Variants in THRB observed in about 807,000 individuals in gnomAD.
THRB encodes the protein nuclear receptor subfamily 1 group A member 2.
THRB carries 12 observed loss-of-function variants against 47.8 expected under a neutral mutation model. The observed-to-expected ratio is 0.25, with a 90% CI of 0.16 to 0.41. THRB has a LOEUF of 0.41. THRB is among the 10% of genes least tolerant of loss of function. The pLI is 1.00. For synonymous variants in THRB, 218 were observed against 212.2 expected, an observed-to-expected ratio of 1.03 and a Z score of -0.24; for missense variants, 348 against 589.2, an observed-to-expected ratio of 0.59 and a Z score of 4.24.
At chr3:24,192,535 T>C (rs1182692120) in intron 4 of THRB, among the ~76,000 whole-genome samples, 6 of 152,192 alleles carry the variant, frequency 3.9e-5, no homozygotes, top group African/African-American at 1.4e-4. Flanking sequence ...TTAATTCCCT[T>C]GACCCCACAG....
intron 5 of THRB, among the ~76,000 whole-genome samples, chr3:24,158,787 T>G (rs56350826): frequency 0.028 from 4,220 of 152,164 alleles, 94 homozygotes; most frequent in Non-Finnish European, 0.039. Context: ...TATGTAAGCA[T>G]TATGTGTCTT....
At chr3:24,195,953 C>T (rs1286918483) in intron 4 of THRB, among the ~76,000 whole-genome samples, 1 of 152,174 alleles carries the variant, frequency 6.6e-6, no homozygotes, top group East Asian at 1.9e-4. Flanking sequence ...TTTTGTCTGT[C>T]CTCACTGGAA....
At chr3:24,191,171 C>A (rs1432925912) in intron 4 of THRB, among the ~76,000 whole-genome samples, 1 of 150,442 alleles carries the variant, frequency 6.6e-6, no homozygotes, top group Non-Finnish European at 1.5e-5. Flanking sequence ...ATTTCTGACA[C>A]TAACCTTCCC....
chr3:24,218,342 CT>C (rs869304743), intron 4 of THRB, among the ~76,000 whole-genome samples: 1,772 of 117,220 alleles, frequency 0.015, 33 homozygotes, highest in African/African-American at 0.05. Context: ...CTCTCTCTCT[CT>C]TTTTTTTTTT....
intron 3 of THRB, among the ~76,000 whole-genome samples, chr3:24,231,425 T>C (rs1307417008): frequency 6.6e-6 from 1 of 152,136 alleles, no homozygotes; most frequent in East Asian, 1.9e-4. Flanking sequence ...TTAAAAATAG[T>C]GTTATCACCA....
intron 4 of THRB, among the ~76,000 whole-genome samples, chr3:24,213,047 A>G (rs2046218538): frequency 6.6e-6 from 1 of 152,174 alleles, no homozygotes; most frequent in Admixed American, 6.5e-5. Context: ...GAACAATGGG[A>G]GTGGAGAACA....
chr3:24,299,339 A>G (rs912344106), intron 2 of THRB, among the ~76,000 whole-genome samples: 11 of 151,898 alleles, frequency 7.2e-5, no homozygotes, highest in African/African-American at 1.9e-4. Context: ...ATCATGCATT[A>G]TAACTAAGAG....
intron 5 of THRB, among the ~76,000 whole-genome samples, chr3:24,167,705 CA>C (rs1381705769): frequency 6.6e-6 from 1 of 152,104 alleles, no homozygotes; most frequent in Non-Finnish European, 1.5e-5. Flanking sequence ...CAGTTTTGCC[CA>C]GTGCATTTCC....
chr3:24,370,185 T>C (rs927281806), intron 1 of THRB, among the ~76,000 whole-genome samples: 1 of 152,096 alleles, frequency 6.6e-6, no homozygotes, highest in African/African-American at 2.4e-5. Context: ...TCAGCTGACA[T>C]TTTTGTCCAT....
At chr3:24,313,932 A>C (rs998194641) in intron 2 of THRB, among the ~76,000 whole-genome samples, 1 of 152,232 alleles carries the variant, frequency 6.6e-6, no homozygotes, top group African/African-American at 2.4e-5. Flanking sequence ...TGCTGTCTAT[A>C]ATATTCTTAA....
At chr3:24,434,295 T>C (rs1164726134) in intron 1 of THRB, among the ~76,000 whole-genome samples, 1 of 152,208 alleles carries the variant, frequency 6.6e-6, no homozygotes, top group Non-Finnish European at 1.5e-5. Context: ...TGTTTTTAAT[T>C]CAAGGCAGTT....
chr3:24,237,756 G>T (rs770251619), intron 3 of THRB, among the ~76,000 whole-genome samples: 5 of 152,114 alleles, frequency 3.3e-5, no homozygotes, highest in Non-Finnish European at 7.3e-5. Context: ...TCAATGCTGG[G>T]TTCTGGGGCT....
At chr3:24,307,763 T>C (rs1162203493) in intron 2 of THRB, among the ~76,000 whole-genome samples, 8 of 152,186 alleles carry the variant, frequency 5.3e-5, no homozygotes, top group African/African-American at 1.9e-4. Context: ...ACCATTTGCT[T>C]AAAGGGTCCT....
chr3:24,402,895 A>G (rs2067530818), intron 1 of THRB, among the ~76,000 whole-genome samples: 1 of 152,068 alleles, frequency 6.6e-6, no homozygotes, highest in African/African-American at 2.4e-5. Flanking sequence ...GTAAATTGAT[A>G]AAGCCATGTT....
chr3:24,238,279 G>T (rs1230898997), intron 3 of THRB, among the ~76,000 whole-genome samples: 17 of 14,630 alleles, frequency 1.2e-3, no homozygotes, highest in East Asian at 0.01. Flanking sequence ...GTGTGTGTGT[G>T]GGGGGGGGGG....
chr3:24,479,936 A>G (rs1232778741), intron 1 of THRB, among the ~76,000 whole-genome samples: 1 of 152,174 alleles, frequency 6.6e-6, no homozygotes, highest in African/African-American at 2.4e-5. Context: ...GCAGTCCCCA[A>G]CAAATGCCTG....
At chr3:24,152,968 AAAAAAGAAAGAAAGAAAG>A (rs1384895098) in intron 5 of THRB, among the ~76,000 whole-genome samples, 156 of 98,014 alleles carry the variant, frequency 1.6e-3, no homozygotes, top group Non-Finnish European at 2.5e-3. Flanking sequence ...GCCAAAAAAA[AAAAAAGAAAGAAAGAAAG>A]AAAGAAAGAA....
chr3:24,411,399 G>C (rs961085689), intron 1 of THRB, among the ~76,000 whole-genome samples: 1 of 151,644 alleles, frequency 6.6e-6, no homozygotes, highest in African/African-American at 2.4e-5. Context: ...TCTCTGAGAT[G>C]TTTTACTTTG....
rs1012609812 is a variant in THRB, at chr3:24,122,336, C to T, written c.*548G>A. The stretch of plus-strand genomic sequence containing the variant: ...TGATTTTTTTAGGACACAAATATTC[C>T]TGTACATTCCAAGTTATGCTCCTAG... On this transcript the variant is annotated 3_prime_UTR_variant, in exon 11 of 11. Transcript: ENST00000646209. 1 of 164,212 alleles carries T rather than the reference C, an allele frequency of 6.1e-6. No individual in the cohort carries two copies. Among genetic ancestry groups the T allele is most frequent in the African/African-American group, 2.4e-5 (1 of 41,578 alleles). 10.2% of individuals were successfully genotyped at this position (164,212 alleles called of 1,614,324 possible).
Sources: gnomAD v4.1 joint callset for allele counts (sites outside exome capture counted in the v4.1 genomes callset) on GRCh38, gnomAD v4.1.1 for gene constraint, MANE v1.5 for transcripts, NCBI Gene and HGNC (gene_info 2026-07-23, HGNC 2026-07-21) for gene names.